The following KCNH1 variants were observed in gnomAD, a reference collection of about 807,000 sequenced individuals.
KCNH1 encodes voltage-gated delayed rectifier potassium channel KCNH1.
In KCNH1, 27 loss-of-function variants were observed where a neutral mutation model predicts 69.2. The observed-to-expected ratio is 0.39, with a 90% CI of 0.29 to 0.54. The LOEUF (loss-of-function observed/expected upper bound fraction) is 0.54. Among genes scored for constraint, KCNH1 ranks in the 20% least tolerant of loss-of-function variants. KCNH1 has a pLI of 0.68. For synonymous variants in KCNH1, 456 were observed against 487.7 expected (o/e 0.93, Z 0.86); for missense variants, 798 against 1,261.6 (o/e 0.63, Z 5.57).
At chr1:210,791,636 G>C (rs1353186210) in intron 9 of KCNH1, among the ~76,000 whole-genome samples, 1 of 152,004 alleles carries the variant, frequency 6.6e-6, no homozygotes, top group Non-Finnish European at 1.5e-5. Flanking sequence ...ACATTTCCCT[G>C]CTCACTCCAA....
At chr1:210,908,046 A>T (rs1687153182) in intron 7 of KCNH1, among the ~76,000 whole-genome samples, 1 of 152,218 alleles carries the variant, frequency 6.6e-6, no homozygotes, top group South Asian at 2.1e-4. Flanking sequence ...TTGGTGCAAT[A>T]AAAAGCCCAC....
chr1:211,067,103 G>A (rs947463155), intron 5 of KCNH1, among the ~76,000 whole-genome samples: 27 of 152,216 alleles, frequency 1.8e-4, no homozygotes, highest in Admixed American at 1.6e-3. Flanking sequence ...GCAGCATGGA[G>A]TGATCCCAGG....
chr1:211,085,227 T>A (rs1446224047), intron 4 of KCNH1, among the ~76,000 whole-genome samples: 1 of 152,158 alleles, frequency 6.6e-6, no homozygotes. Flanking sequence ...ACATTCTGAA[T>A]GGCTGGATAA....
At chr1:210,929,055 A>G (rs1442731178) in intron 6 of KCNH1, among the ~76,000 whole-genome samples, 1 of 152,154 alleles carries the variant, frequency 6.6e-6, no homozygotes, top group Non-Finnish European at 1.5e-5. Flanking sequence ...TGACAAGAAA[A>G]AGTCAAGGGC....
In KCNH1 at chr1:210,919,432, T is replaced by C. The variant is rs1213283785; in HGVS notation, c.1462+208A>G. 1 of 569,188 alleles carries C rather than the reference T, an allele frequency of 1.8e-6. No homozygotes were observed. The highest frequency in any genetic ancestry group is 1.9e-5 in the African/African-American group (1 of 53,638). 35.3% of individuals were successfully genotyped at this position (569,188 alleles called of 1,614,324 possible). A position where few individuals can be genotyped will look rare whatever the true frequency, so the allele number is the denominator to read the frequency against. ...GCAGAATTATGGATAGTCTTTACTT[T>C]CTACTTTGCACTCTTTTGTATTTTC... On this transcript the variant is annotated intron_variant, in intron 7 of 10. Transcript: ENST00000271751. This position sits in a 1 kb window ranked among gnomAD's most constrained non-coding sequence, Gnocchi z 4.2.
At chr1:210,806,829 AAAAAAAAATATAT>A (rs1684583149) in intron 7 of KCNH1, among the ~76,000 whole-genome samples, 1 of 69,426 alleles carries the variant, frequency 1.4e-5, no homozygotes, top group African/African-American at 5.7e-5. Context: ...AAAAAAAAAA[AAAAAAAAATATAT>A]ATATATATAT....
intron 10 of KCNH1, among the ~76,000 whole-genome samples, chr1:210,751,580 T>C (rs1683285144): frequency 6.6e-6 from 1 of 151,978 alleles, no homozygotes; most frequent in Admixed American, 6.6e-5. Flanking sequence ...CTAGTCACCC[T>C]GGTGTAGTGG....
intron 9 of KCNH1, among the ~76,000 whole-genome samples, chr1:210,781,414 T>C (rs1378574402): frequency 6.6e-6 from 1 of 152,100 alleles, no homozygotes; most frequent in African/African-American, 2.4e-5. Flanking sequence ...AAGTCCTTTG[T>C]CCTCATGCCA....
At chr1:210,997,049 A>C (rs555700175) in intron 6 of KCNH1, among the ~76,000 whole-genome samples, 13 of 152,238 alleles carry the variant, frequency 8.5e-5, no homozygotes, top group Non-Finnish European at 1.9e-4. Context: ...AGATAAAACC[A>C]CAAATATGGG....
rs186167204 is a variant in KCNH1 at position 210,804,259 on chromosome 1, A to G, written c.1463-93T>C. On this transcript the variant is annotated intron_variant, in intron 7 of 10. Coordinates refer to ENST00000271751, the MANE Select transcript of KCNH1 (RefSeq NM_172362.3). ...ATGCTCAGCTTGCTCAGAGTAGGCC[A>G]ATGGCCAGAGCTGTCCCTCCCCAGT... 12 of 1,076,170 alleles carry G rather than the reference A, an allele frequency of 1.1e-5. No individual in the cohort carries two copies. The East Asian group carries it at 2.3e-4, about 21-fold the overall frequency. The allele number at this position is 1,076,170 out of a possible 1,614,324, so 66.7% of individuals were successfully genotyped here.
intron 6 of KCNH1, among the ~76,000 whole-genome samples, chr1:210,929,295 T>C (rs1004894048): frequency 2.6e-5 from 4 of 152,102 alleles, no homozygotes; most frequent in Non-Finnish European, 4.4e-5. Context: ...ACTAGCAAAC[T>C]GAATCCAACA....
intron 1 of KCNH1, among the ~76,000 whole-genome samples, chr1:211,116,455 G>A (rs1263497384): frequency 6.6e-6 from 1 of 152,148 alleles, no homozygotes; most frequent in Non-Finnish European, 1.5e-5. Context: ...GCTCTATTTT[G>A]ATAAAGAGTT....
chr1:210,893,647 A>C (rs1445572826), intron 7 of KCNH1, among the ~76,000 whole-genome samples: 1 of 151,696 alleles, frequency 6.6e-6, no homozygotes, highest in African/African-American at 2.4e-5. Flanking sequence ...TTTATTTTTT[A>C]AATTATAAAA....
chr1:211,044,544 C>T (rs1215377256), intron 5 of KCNH1, among the ~76,000 whole-genome samples: 1 of 151,430 alleles, frequency 6.6e-6, no homozygotes, highest in Non-Finnish European at 1.5e-5. Flanking sequence ...AAATCTACAA[C>T]ATCTCAAACA....
rs1301097775 is a variant in KCNH1 at position 210,716,197 on chromosome 1, G to A, written c.2113-32059C>T. 2.6e-5 allele frequency among the ~76,000 whole-genome samples: 4 copies of A among 152,068 alleles called. No individual in the cohort carries two copies. In the East Asian group the frequency reaches 5.8e-4, roughly 22 times the overall value. ...TCCTGTAATCCCAGCACTTTGGGAG[G>A]CTGAGGCGGGTGGATCACGAGGTCA... On this transcript the variant is annotated intron_variant, in intron 10 of 10. Transcript: ENST00000271751.
At position 210,920,037 on chromosome 1, in the gene KCNH1, A is replaced by G; in HGVS notation, c.1065T>C (p.Val355=). Residue 355 remains valine (V), a synonymous_variant, in exon 7 of 11, where the codon GTT becomes GTC. Transcript: ENST00000271751. The stretch of plus-strand genomic sequence containing the variant: ...CTCGCCCAAGACGGAGCAGCCGGAC[A>G]ACTTTTAGAGAGCTGAACAGGCTGC... The part of the protein sequence containing the change: ...GISSLFSSLK[V]VRLLRLGRVA... 1 of 1,614,070 alleles carries G rather than the reference A, an allele frequency of 6.2e-7. No homozygotes were observed. Among genetic ancestry groups the G allele is most frequent in the Non-Finnish European group, 8.5e-7 (1 of 1,180,000 alleles).
intron 3 of KCNH1, among the ~76,000 whole-genome samples, chr1:211,094,219 C>T (rs1223342333): frequency 6.6e-6 from 1 of 152,160 alleles, no homozygotes; most frequent in Non-Finnish European, 1.5e-5. Flanking sequence ...AGCAGGCAAC[C>T]TCACGTATAC....
intron 10 of KCNH1, among the ~76,000 whole-genome samples, chr1:210,751,664 C>A (rs910252306): frequency 6.6e-6 from 1 of 151,900 alleles, no homozygotes; most frequent in African/African-American, 2.4e-5. Flanking sequence ...AAGAGGGGGG[C>A]TGAAAATGTG....
intron 5 of KCNH1, among the ~76,000 whole-genome samples, chr1:211,062,525 C>T (rs994925566): frequency 2.0e-4 from 30 of 151,994 alleles, no homozygotes; most frequent in African/African-American, 7.2e-4. Flanking sequence ...AAGAAACAAT[C>T]TACAGAATAG....
Sources: gnomAD v4.1 joint callset for allele counts (sites outside exome capture counted in the v4.1 genomes callset) on GRCh38, gnomAD v4.1.1 for gene constraint, Gnocchi (gnomAD v3.1) non-coding constraint, MANE v1.5 for transcripts, NCBI Gene and HGNC (gene_info 2026-07-23, HGNC 2026-07-21) for gene names.